Variants in ZNF578 observed in about 807,000 individuals in gnomAD.
The protein encoded by ZNF578 is zinc finger protein 578, also known as Putative chemokine-related protein B42.
In ZNF578, 8 loss-of-function variants were observed where a neutral mutation model predicts 8.3. The observed-to-expected ratio is 0.96, with a 90% CI of 0.56 to 1.74. The LOEUF is 1.74. Among genes scored for constraint, ZNF578 ranks in the 40% most tolerant of loss-of-function variants. The pLI is 0.00. For synonymous variants in ZNF578, 206 were observed against 232.2 expected (o/e 0.89, Z 1.03); for missense variants, 726 against 707.5 (o/e 1.03, Z -0.30).
rs2059459687 is a variant in ZNF578 at position 52,513,628 on chromosome 19, G to T, written c.*1474G>T. ...ACCTGTAGTCTCAGCTACTCAGGGG[G>T]CTGAGGCTGGACAATGGTGTGAACC... On this transcript the variant is annotated 3_prime_UTR_variant, in exon 6 of 6. Coordinates refer to ENST00000421239, the MANE Select transcript of ZNF578 (RefSeq NM_001099694.2). Among the ~76,000 whole-genome samples, 1 of 151,416 alleles carries T rather than the reference G, an allele frequency of 6.6e-6. No homozygotes were observed. Among genetic ancestry groups the T allele is most frequent in the Non-Finnish European group, 1.5e-5 (1 of 67,956 alleles).
Position 52,515,874 on chromosome 19 carries a change from A to G in ZNF578, c.*3720A>G, listed in dbSNP as rs111855127. On this transcript the variant is annotated 3_prime_UTR_variant, in exon 6 of 6. Transcript: ENST00000421239. ...GACCATCTTCAAGGCCTTTCTCTGT[A>G]TGAGGACATCACAGCAAAATCTAAA... 0.023 allele frequency among the ~76,000 whole-genome samples: 3,506 copies of G among 152,126 alleles called. 116 individuals carry two copies. The highest frequency in any genetic ancestry group is 0.077 in the African/African-American group (3,175 of 41,478).
At chr19:52,487,068 C>G (rs1341967729) in intron 2 of ZNF578, among the ~76,000 whole-genome samples, 3 of 151,894 alleles carry the variant, frequency 2.0e-5, no homozygotes, top group African/African-American at 4.8e-5. Context: ...TGCAGTGGCT[C>G]AAGTCTGTAA....
intron 2 of ZNF578, among the ~76,000 whole-genome samples, chr19:52,469,388 G>C (rs7253900): frequency 6.6e-6 from 1 of 151,908 alleles, no homozygotes; most frequent in African/African-American, 2.4e-5. Flanking sequence ...TCGAACTCCC[G>C]AGCTCAAGTA....
At chr19:52,500,837 G>C (rs1330309362) in intron 3 of ZNF578, among the ~76,000 whole-genome samples, 1 of 149,824 alleles carries the variant, frequency 6.7e-6, no homozygotes. Context: ...TGGGCCCCAA[G>C]ATTTATTTTC....
At chr19:52,473,842 C>T (rs559513708) in intron 2 of ZNF578, 116 of 319,028 alleles carry the variant, frequency 3.6e-4, no homozygotes, top group Non-Finnish European at 5.4e-4. Context: ...TATGAATTCT[C>T]CAACATTGTG....
chr19:52,476,107 T>TTA (rs528309510), intron 2 of ZNF578, among the ~76,000 whole-genome samples: 3 of 138,470 alleles, frequency 2.2e-5, no homozygotes, highest in Non-Finnish European at 4.9e-5. Context: ...AAGGGTATAG[T>TTA]AAAAAAAAAA....
rs1159843912 is a variant in ZNF578, at chr19:52,515,481, C to G, written c.*3327C>G. ...GCCCAGGTTTGTGAAAGAGGTTTCT[C>G]TAATTTTCAAGGATGGGGGTGATAA... On this transcript the variant is annotated 3_prime_UTR_variant, in exon 6 of 6. Coordinates refer to ENST00000421239, the MANE Select transcript of ZNF578 (RefSeq NM_001099694.2). 6.6e-6 allele frequency among the ~76,000 whole-genome samples: 1 copy of G among 152,172 alleles called. No individual in the cohort carries two copies. Among genetic ancestry groups the G allele is most frequent in the African/African-American group, 2.4e-5 (1 of 41,450 alleles).
At chr19:52,484,577 G>T (rs1445555536) in intron 2 of ZNF578, among the ~76,000 whole-genome samples, 1 of 151,922 alleles carries the variant, frequency 6.6e-6, no homozygotes, top group East Asian at 1.9e-4. Context: ...CTAAGCCATC[G>T]TATACCCTGT....
chr19:52,465,924 C>A (rs2059273696), intron 2 of ZNF578, among the ~76,000 whole-genome samples: 1 of 152,196 alleles, frequency 6.6e-6, no homozygotes, highest in African/African-American at 2.4e-5. Flanking sequence ...GGGTGCCAAG[C>A]TGTTGGGGAC....
Position 52,512,372 on chromosome 19 carries a change from G to A in ZNF578, c.*218G>A. On this transcript the variant is annotated 3_prime_UTR_variant, in exon 6 of 6. Transcript: ENST00000421239. ...TGTAATGATTGTCACAAAGTCTTCA[G>A]TAACGCTACAACGATTGCAAATCAT... 2 of 1,504,506 alleles carry A rather than the reference G, an allele frequency of 1.3e-6. No individual in the cohort carries two copies. Among genetic ancestry groups the A allele is most frequent in the African/African-American group, 1.4e-5 (1 of 72,622 alleles). The allele number at this position is 1,504,506 out of a possible 1,614,324, so 93.2% of individuals were successfully genotyped here. A position where few individuals can be genotyped will look rare whatever the true frequency, so the allele number is the denominator to read the frequency against.
rs367718911 is a variant in ZNF578, at chr19:52,511,937, CTT to C, written c.1559_1560del (p.Phe520Ter). The stretch of plus-strand genomic sequence containing the variant: ...TACAAGTGTAATGAATGTGGGAAGA[CTT>C]TTAATGTACAGTCACACCTTTCACG... On this transcript the variant is annotated frameshift_variant, in exon 6 of 6. Coordinates refer to ENST00000421239, the MANE Select transcript of ZNF578 (RefSeq NM_001099694.2). LOFTEE classifies it low-confidence loss of function (END_TRUNC). 4 of 1,613,904 alleles carry C rather than the reference CTT, an allele frequency of 2.5e-6. No individual in the cohort carries two copies. The highest frequency in any genetic ancestry group is 1.7e-5 in the Admixed American group (1 of 60,000).
At chr19:52,489,171 AGGC>A (rs2059356442) in intron 2 of ZNF578, among the ~76,000 whole-genome samples, 1 of 91,136 alleles carries the variant, frequency 1.1e-5, no homozygotes, top group Non-Finnish European at 2.7e-5. Context: ...CCGGAGGCTG[AGGC>A]AGGAGAATCT....
intron 2 of ZNF578, chr19:52,473,994 C>G (rs2059300172): frequency 2.5e-6 from 1 of 398,494 alleles, no homozygotes. Flanking sequence ...TAAGGTTTCT[C>G]TCCAGTATGA....
chr19:52,469,796 C>T (rs992920427), intron 2 of ZNF578, among the ~76,000 whole-genome samples: 2 of 152,092 alleles, frequency 1.3e-5, no homozygotes, highest in Admixed American at 1.3e-4. Flanking sequence ...ATGATACCTC[C>T]CAGATCTAGA....
intron 3 of ZNF578, among the ~76,000 whole-genome samples, chr19:52,500,346 A>AG (rs1479160822): frequency 6.6e-6 from 1 of 151,804 alleles, no homozygotes; most frequent in Admixed American, 6.6e-5. Context: ...GACTTGAAGC[A>AG]GGGAAGGGGC....
intron 3 of ZNF578, among the ~76,000 whole-genome samples, chr19:52,495,621 A>T (rs911522149): frequency 2.2e-4 from 33 of 152,050 alleles, no homozygotes; most frequent in Admixed American, 1.9e-3. Flanking sequence ...AGTGCAGATG[A>T]GCGGTGAGTT....
In ZNF578 at chr19:52,511,663, A is replaced by G. The variant is rs148146152; in HGVS notation, c.1282A>G (p.Lys428Glu). The G allele has an allele frequency of 5.3e-5, 85 of 1,614,082 alleles. No homozygotes were observed. The Middle Eastern group carries it at 1.2e-3, about 22-fold the overall frequency. The change falls in exon 6 of 6, where the codon AAG (lysine) becomes GAG (glutamate). Residue 428 changes from lysine (K) to glutamate (E), a missense_variant. Coordinates refer to ENST00000421239, the MANE Select transcript of ZNF578 (RefSeq NM_001099694.2). ...HRLHTGEKPY[K>E]CNDCGKAFIH... ...ACTTCATACTGGAGAGAAACCTTAC[A>G]AGTGTAATGACTGTGGTAAGGCTTT...
At chr19:52,484,967 A>G (rs1197163369) in intron 2 of ZNF578, among the ~76,000 whole-genome samples, 1 of 142,018 alleles carries the variant, frequency 7.0e-6, no homozygotes, top group African/African-American at 2.6e-5. Context: ...ATCCATGTGA[A>G]GAGACCACCA....
chr19:52,458,496 G>GGAAAAAT (rs1449161972), intron 2 of ZNF578: 2 of 29,278 alleles, frequency 6.8e-5, no homozygotes, highest in Non-Finnish European at 1.5e-4. Flanking sequence ...TGAAAATCTG[G>GGAAAAAT]GAAAAATGAC....
Sources: gnomAD v4.1 joint callset for allele counts (sites outside exome capture counted in the v4.1 genomes callset) on GRCh38, gnomAD v4.1.1 for gene constraint, MANE v1.5 for transcripts, NCBI Gene and HGNC (gene_info 2026-07-23, HGNC 2026-07-21) for gene names.